Variants in SPDYE1 observed in about 807,000 individuals in gnomAD.
SPDYE1 encodes speedy protein E1.
In SPDYE1, 29 loss-of-function variants were observed where a neutral mutation model predicts 45.9. That is an observed-to-expected ratio of 0.63 (90% confidence interval 0.47 to 0.86). SPDYE1 has a LOEUF of 0.86. SPDYE1 is among the 40% of genes least tolerant of loss of function. The probability of loss-of-function intolerance (pLI) is 0.00; values close to 1 mark genes in which losing one functional copy is unlikely to be tolerated. For synonymous variants in SPDYE1, 134 were observed against 176.8 expected, an observed-to-expected ratio of 0.76 and a Z score of 1.92; for missense variants, 346 against 481.4, an observed-to-expected ratio of 0.72 and a Z score of 2.63.
At chr7:44,001,654 A>G (rs1464422814) in intron 3 of SPDYE1, among the ~76,000 whole-genome samples, 1 of 152,138 alleles carries the variant, frequency 6.6e-6, no homozygotes, top group Admixed American at 6.5e-5. Context: ...ACCCTGTGTC[A>G]AAAGAAAAAC....
chr7:43,998,674 C>T (rs1367575780), intron 1 of SPDYE1, among the ~76,000 whole-genome samples: 2 of 118,768 alleles, frequency 1.7e-5, no homozygotes, highest in African/African-American at 6.7e-5. Flanking sequence ...TATTTTTTAT[C>T]AAAAAAAAAT....
chr7:44,006,414 AGGCAGGGTCCT>A (rs2096071252), intron 6 of SPDYE1, among the ~76,000 whole-genome samples: 1 of 151,252 alleles, frequency 6.6e-6, no homozygotes, highest in Non-Finnish European at 1.5e-5. Context: ...TGCCTGTAGA[AGGCAGGGTCCT>A]GGCAAAATAT....
Position 44,008,016 on chromosome 7 carries a change from C to G in SPDYE1, c.*45+203C>G, listed in dbSNP as rs952380829. On this transcript the variant is annotated intron_variant, in intron 8 of 8. Transcript: ENST00000693451. ...GGCCGAGGCGGGAGGATTGCTGGAG[C>G]CTGGAAGGTCGGGGCTGCACGGAGC... 6 of 1,424,920 alleles carry G rather than the reference C, an allele frequency of 4.2e-6. No individual in the cohort carries two copies. The East Asian group carries it at 1.0e-4, about 24-fold the overall frequency. The allele number at this position is 1,424,920 out of a possible 1,614,324, so 88.3% of individuals were successfully genotyped here.
Position 44,009,779 on chromosome 7 carries a change from CT to C in SPDYE1, c.*1162del, listed in dbSNP as rs1393715323. 6.6e-6 allele frequency: 1 copy of C among 151,570 alleles called. No individual in the cohort carries two copies. Among genetic ancestry groups the C allele is most frequent in the Admixed American group, 6.6e-5 (1 of 15,202 alleles). 9.4% of individuals were successfully genotyped at this position (151,570 alleles called of 1,614,324 possible). On this transcript the variant is annotated 3_prime_UTR_variant, in exon 9 of 9. Coordinates refer to ENST00000693451, the MANE Select transcript of SPDYE1 (RefSeq NM_001378423.2). ...TTGTTTTCCTTTTTAAGAGAGGATT[CT>C]TTTCATCCTAAATCTTTTACCTTTC...
intron 3 of SPDYE1, among the ~76,000 whole-genome samples, chr7:44,001,854 C>T (rs1160869181): frequency 6.6e-6 from 1 of 151,590 alleles, no homozygotes; most frequent in African/African-American, 2.4e-5. Flanking sequence ...ACAGGATAAT[C>T]GCTTGAACCC....
At chr7:43,999,397 C>T (rs976421584) in intron 1 of SPDYE1, among the ~76,000 whole-genome samples, 131 bp from the exon 2 acceptor site, 3 of 151,114 alleles carry the variant, frequency 2.0e-5, no homozygotes, top group African/African-American at 7.3e-5. Context: ...TTCCTGGGAT[C>T]TCTTGTACAT....
intron 6 of SPDYE1, among the ~76,000 whole-genome samples, chr7:44,007,002 T>C (rs1162885047): frequency 6.6e-6 from 1 of 152,220 alleles, no homozygotes; most frequent in Non-Finnish European, 1.5e-5. Context: ...CCTCCTGCTT[T>C]GGCCTCCCAA....
rs370374330 is a variant in SPDYE1 at position 44,007,333 on chromosome 7, A to G, written c.818A>G (p.Tyr273Cys). The G allele has an allele frequency of 5.0e-6, 8 of 1,612,608 alleles. No homozygotes were observed. The Middle Eastern group carries it at 9.1e-4, about 184-fold the overall frequency. Residue 273 changes from tyrosine to cysteine, a missense_variant, in exon 7 of 9, where the codon TAT (tyrosine) becomes TGT (cysteine). Around this residue, in one of 4 missense-constraint regions of SPDYE1, gnomAD observed 186 missense variants for 219.1 expected, o/e 0.85. Coordinates refer to ENST00000693451, the MANE Select transcript of SPDYE1 (RefSeq NM_001378423.2). The stretch of plus-strand genomic sequence containing the variant: ...AAACAAAACATCTTCCACTTCCTGT[A>G]TGGGAAGAACCGCTCTCGCATACCC... ...DSKQNIFHFL[Y>C]GKNRSRIPLL...
intron 6 of SPDYE1, among the ~76,000 whole-genome samples, chr7:44,006,237 T>C (rs2096071053): frequency 6.6e-6 from 1 of 152,156 alleles, no homozygotes; most frequent in South Asian, 2.1e-4. Flanking sequence ...CCCGCATACA[T>C]GTGGCTCTGA....
chr7:44,004,718 T>C, intron 5 of SPDYE1: 1 of 261,198 alleles, frequency 3.8e-6, no homozygotes, highest in Non-Finnish European at 7.5e-6. Flanking sequence ...GCTGGTCTCT[T>C]GCAGAGTGAA....
At chr7:43,998,296 G>C (rs937857927) in intron 1 of SPDYE1, among the ~76,000 whole-genome samples, 1 of 151,978 alleles carries the variant, frequency 6.6e-6, no homozygotes, top group African/African-American at 2.4e-5. Context: ...TCAGGAAAAC[G>C]TGTGGGAACT....
At chr7:44,007,644 G>A (rs1483465533) in intron 7 of SPDYE1, 58 bp downstream of exon 7, 5 of 1,611,954 alleles carry the variant, frequency 3.1e-6, no homozygotes, top group Non-Finnish European at 3.4e-6. Context: ...GCTGGAGGCT[G>A]GATGAGGGGA....
At chr7:44,004,567 C>T (rs576873490) in intron 5 of SPDYE1, 131 of 187,470 alleles carry the variant, frequency 7.0e-4, no homozygotes, top group African/African-American at 3.0e-3. Flanking sequence ...CACTATGTTG[C>T]CCAGGTTGTT....
At chr7:43,998,682 A>T (rs28759326) in intron 1 of SPDYE1, among the ~76,000 whole-genome samples, 2 of 121,472 alleles carry the variant, frequency 1.6e-5, no homozygotes. Context: ...ATCAAAAAAA[A>T]ATTTTTTGAC....
rs1405114491 is a variant in SPDYE1 at position 44,007,590 on chromosome 7, A to G, written c.1071+4A>G. 1 of 1,580,464 alleles carries G rather than the reference A, an allele frequency of 6.3e-7. No individual in the cohort carries two copies. Among genetic ancestry groups the G allele is most frequent in the African/African-American group, 1.4e-5 (1 of 72,932 alleles). ...TTCCCCAGAGGAGTTGGAGGAGGTG[A>G]GTGGGGCCTGGGGAGGTGGAGGAGG... On this transcript the variant is annotated splice_donor_region_variant and intron_variant, in intron 7 of 8. Coordinates refer to ENST00000693451, the MANE Select transcript of SPDYE1 (RefSeq NM_001378423.2).
chr7:44,005,764 C>T (rs1208578724), intron 6 of SPDYE1, among the ~76,000 whole-genome samples: 2 of 152,042 alleles, frequency 1.3e-5, no homozygotes, highest in African/African-American at 4.8e-5. Flanking sequence ...TAAACCACTC[C>T]TAAGGGGAAA....
chr7:44,008,956 C>T lies in SPDYE1; in HGVS notation c.*335C>T, dbSNP rs1261867997. 2.0e-6 allele frequency: 1 copy of T among 495,026 alleles called. No homozygotes were observed. The highest frequency in any genetic ancestry group is 1.9e-5 in the African/African-American group (1 of 51,304). 30.7% of individuals were successfully genotyped at this position (495,026 alleles called of 1,614,324 possible). A position where few individuals can be genotyped will look rare whatever the true frequency, so the allele number is the denominator to read the frequency against. On this transcript the variant is annotated 3_prime_UTR_variant, in exon 9 of 9. Coordinates refer to ENST00000693451, the MANE Select transcript of SPDYE1 (RefSeq NM_001378423.2). The stretch of plus-strand genomic sequence containing the variant: ...CCCTTTTTATATTGCTGAATTCCAA[C>T]CTCCCTGGGGCGGAACCTGGAGGTC...
At position 44,009,419 on chromosome 7, in the gene SPDYE1, C is replaced by T. The variant is rs548022555; in HGVS notation, c.*798C>T. ...TCTATTTATAGCTATTGGTAGTTCC[C>T]CTAAATTCTGACGATAGAAATTTTT... On this transcript the variant is annotated 3_prime_UTR_variant, in exon 9 of 9. Transcript: ENST00000693451. The T allele has an allele frequency of 6.6e-6, 1 of 151,626 alleles. No homozygotes were observed. Among genetic ancestry groups the T allele is most frequent in the African/African-American group, 2.4e-5 (1 of 41,418 alleles). The allele number at this position is 151,626 out of a possible 1,614,324, so 9.4% of individuals were successfully genotyped here.
At chr7:44,004,446 T>C (rs895634308) in intron 5 of SPDYE1, 17 of 186,972 alleles carry the variant, frequency 9.1e-5, no homozygotes, top group Non-Finnish European at 1.8e-4. Context: ...CATTGCAGCC[T>C]CTAATTCCTG....
Sources: gnomAD v4.1 joint callset for allele counts (sites outside exome capture counted in the v4.1 genomes callset) on GRCh38, gnomAD v4.1.1 for gene constraint, gnomAD v4.1.1 regional missense constraint, MANE v1.5 for transcripts, NCBI Gene and HGNC (gene_info 2026-07-23, HGNC 2026-07-21) for gene names.